MGAT4C: variants seen among roughly 807,000 people sequenced by gnomAD.
MGAT4C encodes the protein alpha-1,3-mannosyl-glycoprotein 4-beta-N-acetylglucosaminyltransferase C.
MGAT4C carries 19 observed loss-of-function variants against 40.1 expected under a neutral mutation model. That is an observed-to-expected ratio of 0.47 (90% CI 0.33 to 0.70). MGAT4C has a LOEUF of 0.70. Ranked by LOEUF, MGAT4C falls within the 30% of genes least tolerant of loss-of-function variation. The pLI, the probability that MGAT4C is intolerant of heterozygous loss-of-function variation, is 0.02. For synonymous variants in MGAT4C, 181 were observed against 187.1 expected (o/e 0.97, Z 0.27); for missense variants, 491 against 563.2 (o/e 0.87, Z 1.30).
At chr12:86,809,743 C>A (rs1016899676) in intron 1 of MGAT4C, among the ~76,000 whole-genome samples, 1 of 151,572 alleles carries the variant, frequency 6.6e-6, no homozygotes, top group South Asian at 2.1e-4. Flanking sequence ...TTTGATTTTT[C>A]TTTTTGTGTA....
intron 1 of MGAT4C, among the ~76,000 whole-genome samples, chr12:86,103,134 T>A (rs1373847364): frequency 6.6e-6 from 1 of 152,108 alleles, no homozygotes; most frequent in Non-Finnish European, 1.5e-5. Context: ...CTTGACTGAC[T>A]TAGATAATAT....
chr12:86,363,351 T>G (rs1185529276), intron 3 of MGAT4C, among the ~76,000 whole-genome samples: 20 of 152,108 alleles, frequency 1.3e-4, no homozygotes, highest in Admixed American at 1.2e-3. Context: ...TTAAACAACA[T>G]ACTTGAAAAT....
intron 1 of MGAT4C, among the ~76,000 whole-genome samples, chr12:86,793,592 T>C (rs1952063611): frequency 6.6e-6 from 1 of 152,066 alleles, no homozygotes; most frequent in African/African-American, 2.4e-5. Context: ...ACACATATAC[T>C]CTCACGCTCA....
chr12:86,123,184 C>T (rs935125110), intron 1 of MGAT4C, among the ~76,000 whole-genome samples: 17 of 152,076 alleles, frequency 1.1e-4, no homozygotes, highest in African/African-American at 3.6e-4. Flanking sequence ...CTTTAGCCAG[C>T]TCATAAAAAT....
intron 2 of MGAT4C, among the ~76,000 whole-genome samples, chr12:86,446,885 T>C (rs1404835601): frequency 1.3e-5 from 2 of 151,484 alleles, no homozygotes; most frequent in Non-Finnish European, 2.9e-5. Context: ...TGTAAATATA[T>C]AAAAATTGAT....
At chr12:86,442,846 C>A (rs1008311340) in intron 2 of MGAT4C, among the ~76,000 whole-genome samples, 7 of 151,848 alleles carry the variant, frequency 4.6e-5, no homozygotes, top group African/African-American at 1.7e-4. Flanking sequence ...GCCATGGTCA[C>A]CCCAATCTTC....
At chr12:86,012,960 C>T (rs912363073) in intron 2 of MGAT4C, among the ~76,000 whole-genome samples, 1 of 124,210 alleles carries the variant, frequency 8.1e-6, no homozygotes, top group East Asian at 2.0e-4. Context: ...ATCATCTCCA[C>T]GAAAATTAAA....
chr12:86,185,753 CTATTT>C (rs1303409945), intron 1 of MGAT4C, among the ~76,000 whole-genome samples: 4 of 152,092 alleles, frequency 2.6e-5, no homozygotes, highest in Admixed American at 6.6e-5. Context: ...TAATATTTCT[CTATTT>C]TATTTTATCT....
At chr12:86,099,462 T>G (rs1416954699) in intron 1 of MGAT4C, among the ~76,000 whole-genome samples, 1 of 151,198 alleles carries the variant, frequency 6.6e-6, no homozygotes, top group Non-Finnish European at 1.5e-5. Flanking sequence ...GGGATACATG[T>G]GCAGAACGTG....
At chr12:86,031,056 T>A (rs753828665) in intron 2 of MGAT4C, among the ~76,000 whole-genome samples, 142 of 151,906 alleles carry the variant, frequency 9.3e-4, no homozygotes, top group Non-Finnish European at 1.5e-3. Context: ...AAGATTGACA[T>A]TCTGTCTCAA....
At chr12:86,799,075 T>C (rs1279834630) in intron 1 of MGAT4C, among the ~76,000 whole-genome samples, 1 of 151,846 alleles carries the variant, frequency 6.6e-6, no homozygotes. Flanking sequence ...AAGGTGAAAT[T>C]CAGCATACAA....
chr12:86,377,557 T>A (rs1313497125), intron 3 of MGAT4C, among the ~76,000 whole-genome samples: 1 of 152,172 alleles, frequency 6.6e-6, no homozygotes, highest in East Asian at 1.9e-4. Context: ...AAATAATGAC[T>A]TGCGCTCTTA....
chr12:86,587,534 C>G (rs1961109209), intron 2 of MGAT4C, among the ~76,000 whole-genome samples: 1 of 152,000 alleles, frequency 6.6e-6, no homozygotes, highest in Non-Finnish European at 1.5e-5. Flanking sequence ...TATAAATTAC[C>G]TTGGGCAGTA....
chr12:86,031,348 C>T (rs970319818), intron 2 of MGAT4C, among the ~76,000 whole-genome samples: 6 of 151,794 alleles, frequency 4.0e-5, no homozygotes, highest in South Asian at 2.1e-4. Context: ...ACATTATTTC[C>T]GTCTCTGCTG....
At chr12:86,295,106 C>A (rs189052965) in intron 4 of MGAT4C, among the ~76,000 whole-genome samples, 1 of 152,232 alleles carries the variant, frequency 6.6e-6, no homozygotes, top group East Asian at 1.9e-4. Context: ...AATCCCTTAA[C>A]TACTTATTAT....
rs941989135 is a variant in MGAT4C at position 86,600,780 on chromosome 12, G to C, written c.-229+126429C>G. 9.7e-4 allele frequency among the ~76,000 whole-genome samples: 148 copies of C among 152,326 alleles called. 1 individual carries two copies. The highest frequency in any genetic ancestry group is 3.4e-3 in the African/African-American group (143 of 41,584). ...GCCCTACTGAGTTGGTGGGACAGGA[G>C]CTTGCGTTCCCGCTGCAGCCGCCCA... is the stretch of plus-strand genomic sequence containing the variant. On this transcript the variant is annotated intron_variant, in intron 2 of 7. Coordinates refer to the MGAT4C transcript ENST00000548651.
chr12:86,067,146 G>A (rs1442848859), intron 1 of MGAT4C, among the ~76,000 whole-genome samples: 2 of 152,192 alleles, frequency 1.3e-5, no homozygotes, highest in Non-Finnish European at 2.9e-5. Flanking sequence ...AGAAGACAGT[G>A]TGCCGATTCC....
chr12:86,203,570 A>G (rs1400061607), intron 1 of MGAT4C, among the ~76,000 whole-genome samples: 1 of 152,086 alleles, frequency 6.6e-6, no homozygotes, highest in African/African-American at 2.4e-5. Flanking sequence ...TTTTCTCCAT[A>G]TCAATGTGCA....
At chr12:86,278,854 T>C (rs1239831986) in intron 4 of MGAT4C, among the ~76,000 whole-genome samples, 1 of 151,634 alleles carries the variant, frequency 6.6e-6, no homozygotes, top group Non-Finnish European at 1.5e-5. Context: ...ATTCCTTCTA[T>C]ACCCAGTTTT....
Sources: gnomAD v4.1 joint callset for allele counts (sites outside exome capture counted in the v4.1 genomes callset) on GRCh38, gnomAD v4.1.1 for gene constraint, MANE v1.5 for transcripts, NCBI Gene and HGNC (gene_info 2026-07-23, HGNC 2026-07-21) for gene names.